Variants in SPTA1 observed in about 807,000 individuals in gnomAD.
The protein encoded by SPTA1 is spectrin alpha chain, erythrocytic 1.
In SPTA1, 177 loss-of-function variants were observed where a neutral mutation model predicts 324.7. The observed-to-expected ratio is 0.55, with a 90% CI of 0.48 to 0.62. The LOEUF (loss-of-function observed/expected upper bound fraction) is 0.62. SPTA1 is among the 20% of genes least tolerant of loss of function. SPTA1 has a pLI of 0.00. For synonymous variants in SPTA1, 1,195 were observed against 1,041.3 expected (o/e 1.15, Z -2.84); for missense variants, 3,162 against 2,883.6 (o/e 1.10, Z -2.21).
chr1:158,644,472 A>T (rs1651849390), intron 29 of SPTA1, 76 bp from the exon 30 acceptor site: 1 of 1,569,406 alleles, frequency 6.4e-7, no homozygotes, highest in East Asian at 2.2e-5. Flanking sequence ...CTCTTTCAGG[A>T]TCATGACACA....
Position 158,662,827 on chromosome 1 carries a change from T to G in SPTA1, c.2339A>C (p.Glu780Ala). The G allele has an allele frequency of 6.2e-7, 1 of 1,614,094 alleles. No homozygotes were observed. The highest frequency in any genetic ancestry group is 8.5e-7 in the Non-Finnish European group (1 of 1,179,988). The change falls in exon 17 of 52, where the codon GAG (glutamate) becomes GCG (alanine). Residue 780 changes from glutamate to alanine, a missense_variant. Glu to Ala is a moderately radical substitution (Grantham distance 107). Coordinates refer to ENST00000643759, the MANE Select transcript of SPTA1 (RefSeq NM_003126.4). ...SLVCRFEALKEPLATRKKKLL... is the reference protein window; with the variant it reads ...SLVCRFEALKAPLATRKKKLL... The stretch of plus-strand genomic sequence containing the variant: ...CTTCTTCTTTCGGGTGGCCAGTGGC[T>G]CTTTCAGAGCTTCAAATCGGCATAC...
chr1:158,614,855 C>A, intron 48 of SPTA1: 1 of 220,296 alleles, frequency 4.5e-6, no homozygotes, highest in Non-Finnish European at 9.0e-6. Context: ...TCTATTTGGC[C>A]ACACTTTAAA....
rs754614154 is a variant in SPTA1, at chr1:158,636,763, T to G, written c.5190-2A>C. ...GAGCTCACTCGTATCAACTTCTCCC[T>G]AAAATCAAGGAAGAAAACAGAAAGT... On this transcript the variant is annotated splice_acceptor_variant, in intron 36 of 51. Transcript: ENST00000643759. LOFTEE classifies it high-confidence loss of function. 6.2e-7 allele frequency: 1 copy of G among 1,614,030 alleles called. No homozygotes were observed. Among genetic ancestry groups the G allele is most frequent in the Non-Finnish European group, 8.5e-7 (1 of 1,179,962 alleles).
chr1:158,619,901 C>T (rs1401482768), intron 44 of SPTA1, among the ~76,000 whole-genome samples: 1 of 152,116 alleles, frequency 6.6e-6, no homozygotes, highest in Admixed American at 6.5e-5. Context: ...TTTCATAGCT[C>T]ATCATTAGAA....
chr1:158,659,862 G>A (rs926733388), intron 18 of SPTA1, among the ~76,000 whole-genome samples: 3 of 60,900 alleles, frequency 4.9e-5, no homozygotes, highest in South Asian at 3.0e-4. Flanking sequence ...CACTCGCCTC[G>A]GCCTCCCAAA....
intron 39 of SPTA1, among the ~76,000 whole-genome samples, chr1:158,629,479 A>C (rs966118785): frequency 6.6e-6 from 1 of 152,006 alleles, no homozygotes; most frequent in African/African-American, 2.4e-5. Flanking sequence ...GACAGAATTC[A>C]GCACTCTTTC....
chr1:158,683,613 A>ACTC, intron 2 of SPTA1, 117 bp from the exon 3 acceptor site: 1 of 1,367,720 alleles, frequency 7.3e-7, no homozygotes, highest in Admixed American at 1.9e-5. Flanking sequence ...CAGAGGCCAT[A>ACTC]AAGAGTATTT....
intron 17 of SPTA1, 110 bp from the exon 18 acceptor site, chr1:158,661,519 A>G (rs1296132952): frequency 2.1e-6 from 3 of 1,400,224 alleles, no homozygotes; most frequent in East Asian, 4.6e-5. Context: ...TGAAGTTCTA[A>G]CCATTGAGTA....
At position 158,662,891 on chromosome 1, in the gene SPTA1, G is replaced by T; in HGVS notation, c.2275C>A (p.Pro759Thr). 1 of 1,614,074 alleles carries T rather than the reference G, an allele frequency of 6.2e-7. No individual in the cohort carries two copies. The highest frequency in any genetic ancestry group is 2.2e-5 in the East Asian group (1 of 44,874). ...CTTGCCCTTATATCCTTAGAATCAG[G>T]ATGGCCTATTTCTTCAAAATATGCA... The part of the protein sequence containing the change: ...LAAYFEEIGH[P>T]DSKDIRARQE... Residue 759 changes from proline to threonine, a missense_variant, in exon 17 of 52, where the codon CCT becomes ACT. By Grantham distance (38) the Pro-to-Thr change is conservative (BLOSUM62 -1). Transcript: ENST00000643759.
chr1:158,612,747 C>T (rs1649336711), intron 51 of SPTA1, 70 bp downstream of exon 51: 2 of 1,582,154 alleles, frequency 1.3e-6, no homozygotes, highest in East Asian at 4.5e-5. Flanking sequence ...CAAAGTAGGC[C>T]ACCGGGCCTG....
chr1:158,672,316 T>A (rs1388925333), intron 10 of SPTA1, 120 bp from the exon 11 acceptor site: 5 of 1,074,668 alleles, frequency 4.7e-6, no homozygotes, highest in Non-Finnish European at 6.7e-6. Context: ...CAAATGGGCT[T>A]TTAAGATTCC....
At chr1:158,678,371 T>C (rs1227138990) in intron 6 of SPTA1, 30 bp downstream of exon 6, 1 of 1,613,232 alleles carries the variant, frequency 6.2e-7, no homozygotes, top group Admixed American at 1.7e-5. Context: ...CACTTCAAAG[T>C]TTTCTATAAA....
intron 23 of SPTA1, 69 bp from the exon 24 acceptor site, chr1:158,651,537 T>C: frequency 9.7e-7 from 1 of 1,028,166 alleles, no homozygotes; most frequent in East Asian, 2.4e-5. Flanking sequence ...TCATCAAGAA[T>C]CTACCATACT....
intron 6 of SPTA1, 55 bp from the exon 7 acceptor site, chr1:158,677,889 A>G: frequency 6.2e-7 from 1 of 1,610,060 alleles, no homozygotes; most frequent in South Asian, 1.1e-5. Context: ...TTACAGGGCA[A>G]ACGGTCCAAC....
rs201801824 is a variant in SPTA1 at position 158,613,783 on chromosome 1, C to A, written c.6927G>T (p.Met2309Ile). ...TGGGCTCATGTTCATCCTCCTCCAC[C>A]ATGGGCAAGTAGTAATTGAGTCCTC... Reference protein sequence around the residue: ...CLRGLNYYLPMVEEDEHEPKF... With the variant: ...CLRGLNYYLPIVEEDEHEPKF... Residue 2309 changes from methionine (M) to isoleucine (I), a missense_variant, in exon 50 of 52, where the codon ATG becomes ATT. Met to Ile is a conservative substitution (Grantham distance 10, BLOSUM62 1). Coordinates refer to ENST00000643759, the MANE Select transcript of SPTA1 (RefSeq NM_003126.4). 2.5e-5 allele frequency: 41 copies of A among 1,613,794 alleles called. No homozygotes were observed. The highest frequency in any genetic ancestry group is 3.3e-5 in the Non-Finnish European group (39 of 1,179,876).
In SPTA1 at chr1:158,642,420, C is replaced by G; in HGVS notation, c.4728G>C (p.Glu1576Asp). ...IECSACDGNE[E>D]AMKEQLEQLK... is the part of the protein sequence containing the mutation. ...TCATCCTGAGCTTTACCTTCATGGC[C>G]TCTTCATTGCCATCACAAGCGCTAC... Residue 1576 changes from glutamate to aspartate, a missense_variant, in exon 33 of 52, where the codon GAG becomes GAC. By Grantham distance (45) the Glu-to-Asp change is conservative (BLOSUM62 2). Transcript: ENST00000643759. 6.2e-7 allele frequency: 1 copy of G among 1,613,406 alleles called. No homozygotes were observed. Among genetic ancestry groups the G allele is most frequent in the Non-Finnish European group, 8.5e-7 (1 of 1,179,576 alleles).
At chr1:158,611,576 C>T (rs1418057500) in intron 51 of SPTA1, 187 bp from the exon 52 acceptor site, 11 of 570,976 alleles carry the variant, frequency 1.9e-5, no homozygotes, top group Non-Finnish European at 3.3e-5. Context: ...AACTTTTAAT[C>T]TCAGCCCTTT....
At position 158,680,174 on chromosome 1, in the gene SPTA1, T is replaced by C. The variant is rs536795545; in HGVS notation, c.678+409A>G. ...TGTATAATGATATTACATATGCATA[T>C]ATATGTATAAATAATGATAGCTCAA... is the stretch of plus-strand genomic sequence containing the variant. On this transcript the variant is annotated intron_variant, in intron 5 of 51. Transcript: ENST00000643759. 2.0e-5 allele frequency among the ~76,000 whole-genome samples: 3 copies of C among 152,300 alleles called. No individual in the cohort carries two copies. The East Asian group carries it at 5.8e-4, about 29-fold the overall frequency.
intron 50 of SPTA1, among the ~76,000 whole-genome samples, chr1:158,613,466 A>G (rs1215936896): frequency 6.6e-6 from 1 of 152,136 alleles, no homozygotes; most frequent in African/African-American, 2.4e-5. Context: ...CCTCAAAAGT[A>G]GCTGAAATTC....
Sources: allele counts gnomAD v4.1 joint callset (sites outside exome capture counted in the v4.1 genomes callset), GRCh38; gene constraint gnomAD v4.1.1; transcripts MANE v1.5; gene names NCBI Gene and HGNC (gene_info 2026-07-23, HGNC 2026-07-21).